The following FMNL2 variants were observed in gnomAD, a reference collection of about 807,000 sequenced individuals.
FMNL2 encodes formin-like protein 2.
In FMNL2, 51 loss-of-function variants were observed where a neutral mutation model predicts 130.2. The ratio of observed to expected loss-of-function variants is 0.39; its 90% CI spans 0.31 to 0.49. The LOEUF (loss-of-function observed/expected upper bound fraction) is 0.49, where lower values mean the gene tolerates loss of function less well. FMNL2 is among the 20% of genes least tolerant of loss of function. The probability of loss-of-function intolerance (pLI) is 0.85; values close to 1 mark genes in which losing one functional copy is unlikely to be tolerated. For missense variants in FMNL2, 977 were observed against 1,316.2 expected (o/e 0.74, Z 3.99); for synonymous variants, 465 against 467.1 (o/e 1.00, Z 0.06).
At chr2:152,554,583 T>C (rs1695107722) in intron 4 of FMNL2, among the ~76,000 whole-genome samples, 1 of 152,228 alleles carries the variant, frequency 6.6e-6, no homozygotes, top group Admixed American at 6.5e-5. Flanking sequence ...ATCACATTTG[T>C]TAATAACCAC....
chr2:152,567,024 TC>T (rs1332231618), intron 6 of FMNL2, among the ~76,000 whole-genome samples: 3 of 152,296 alleles, frequency 2.0e-5, no homozygotes, highest in Non-Finnish European at 4.4e-5. Flanking sequence ...TGAAGGTTAG[TC>T]TGTGAAATTG....
At chr2:152,567,546 G>A (rs1695924034) in intron 6 of FMNL2, among the ~76,000 whole-genome samples, 1 of 152,062 alleles carries the variant, frequency 6.6e-6, no homozygotes, top group Non-Finnish European at 1.5e-5. Context: ...AAACTGCCTG[G>A]CCCCTTTTTT....
chr2:152,411,460 T>G (rs1172804111), intron 1 of FMNL2, among the ~76,000 whole-genome samples: 1 of 152,170 alleles, frequency 6.6e-6, no homozygotes, highest in Non-Finnish European at 1.5e-5. Context: ...ATCCATGCAT[T>G]TCATTGGCAG....
chr2:152,492,560 T>C (rs1267831306), intron 1 of FMNL2, among the ~76,000 whole-genome samples: 1 of 152,168 alleles, frequency 6.6e-6, no homozygotes, highest in African/African-American at 2.4e-5. Flanking sequence ...TATCTAAGGC[T>C]TTGTAAGGGG....
intron 1 of FMNL2, among the ~76,000 whole-genome samples, chr2:152,365,827 G>A (rs895360627): frequency 6.6e-6 from 1 of 152,116 alleles, no homozygotes; most frequent in Non-Finnish European, 1.5e-5. Flanking sequence ...TATGAGAATA[G>A]ATAAGATAGG....
At chr2:152,455,788 C>G (rs1688916619) in intron 1 of FMNL2, among the ~76,000 whole-genome samples, 1 of 152,172 alleles carries the variant, frequency 6.6e-6, no homozygotes, top group African/African-American at 2.4e-5. Context: ...GATCATAGCT[C>G]ACTGCAACCT....
At chr2:152,479,172 C>CT (rs1427354592) in intron 1 of FMNL2, among the ~76,000 whole-genome samples, 15 of 152,038 alleles carry the variant, frequency 9.9e-5, no homozygotes, top group African/African-American at 3.4e-4. Context: ...TGCCCAGGCT[C>CT]GAGTTCACTG....
chr2:152,492,406 C>G (rs1360553249), intron 1 of FMNL2, among the ~76,000 whole-genome samples: 1 of 152,154 alleles, frequency 6.6e-6, no homozygotes, highest in Non-Finnish European at 1.5e-5. Flanking sequence ...TGCTTTTCGG[C>G]AAGGAAATTA....
intron 1 of FMNL2, among the ~76,000 whole-genome samples, chr2:152,504,684 T>TA (rs1435417809): frequency 6.6e-6 from 1 of 152,200 alleles, no homozygotes; most frequent in Admixed American, 6.5e-5. Context: ...TTCTATCTCT[T>TA]ATGCACTGAG....
rs1271845321 is a variant in FMNL2 at position 152,614,832 on chromosome 2, C to T, written c.1063-19C>T. ...CATAGATGAGCTAACACCACGTTCT[C>T]TCCTATTCTGGTTTTTAGAAGCTGA... On this transcript the variant is annotated intron_variant, in intron 11 of 25. Coordinates refer to ENST00000288670, the MANE Select transcript of FMNL2 (RefSeq NM_052905.4). 6.3e-7 allele frequency: 1 copy of T among 1,598,218 alleles called. No individual in the cohort carries two copies. Among genetic ancestry groups the T allele is most frequent in the Admixed American group, 1.8e-5 (1 of 54,342 alleles).
intron 25 of FMNL2, among the ~76,000 whole-genome samples, chr2:152,641,443 T>G (rs1299833717): frequency 6.6e-6 from 1 of 152,264 alleles, no homozygotes; most frequent in Non-Finnish European, 1.5e-5. Flanking sequence ...AGCATAATGC[T>G]ATCTCCTCGA....
chr2:152,520,182 T>G (rs1693003835), intron 1 of FMNL2, among the ~76,000 whole-genome samples: 1 of 152,182 alleles, frequency 6.6e-6, no homozygotes, highest in Non-Finnish European at 1.5e-5. Flanking sequence ...TATGAAAACA[T>G]TTTCCCATAT....
chr2:152,588,012 TATAGG>T (rs1469412104), intron 9 of FMNL2, among the ~76,000 whole-genome samples: 1 of 152,164 alleles, frequency 6.6e-6, no homozygotes, highest in East Asian at 1.9e-4. Context: ...GGAGGCTCCT[TATAGG>T]AGAGGGTGCC....
chr2:152,637,426 G>A, intron 22 of FMNL2, 147 bp from the exon 23 acceptor site: 1 of 642,844 alleles, frequency 1.6e-6, no homozygotes, highest in Admixed American at 2.7e-5. Context: ...GAGGCGTTAG[G>A]CAATCTTGGG....
At chr2:152,624,187 C>T (rs547872931) in intron 15 of FMNL2, among the ~76,000 whole-genome samples, 2 of 149,212 alleles carry the variant, frequency 1.3e-5, no homozygotes, top group South Asian at 2.2e-4. Flanking sequence ...GATGGAGTTT[C>T]GCTCTTGTTA....
Position 152,338,818 on chromosome 2 carries a change from G to GACACACACACAC in FMNL2, c.117+3099_117+3100insCACACACACACA, listed in dbSNP as rs767062578. Among the ~76,000 whole-genome samples, 350 of 60,382 alleles carry GACACACACACAC rather than the reference G, an allele frequency of 5.8e-3. 1 individual carries two copies. The highest frequency in any genetic ancestry group is 0.013 in the African/African-American group (309 of 23,558). The allele number at this position is 60,382 out of a possible 152,430, so 39.6% of individuals were successfully genotyped here. A position where few individuals can be genotyped will look rare whatever the true frequency, so the allele number is the denominator to read the frequency against. Reference sequence around the variant, plus strand: ...CCTTTCAGGTACAGCTGGAAGGTGAGATACACACACACACACACACACACA... The same window carrying GACACACACACAC: ...CCTTTCAGGTACAGCTGGAAGGTGAGACACACACACACATACACACACACACACACACACACA... On this transcript the variant is annotated intron_variant, in intron 1 of 25. Coordinates refer to ENST00000288670, the MANE Select transcript of FMNL2 (RefSeq NM_052905.4).
chr2:152,559,754 TCTTAC>T (rs1695421656), intron 5 of FMNL2, among the ~76,000 whole-genome samples: 1 of 152,148 alleles, frequency 6.6e-6, no homozygotes, highest in African/African-American at 2.4e-5. Context: ...GCCCTCCTCG[TCTTAC>T]CTTCTCTCAT....
intron 1 of FMNL2, among the ~76,000 whole-genome samples, chr2:152,376,235 A>G (rs1684164538): frequency 6.6e-6 from 1 of 152,058 alleles, no homozygotes; most frequent in Non-Finnish European, 1.5e-5. Flanking sequence ...AATATACAGC[A>G]TTTTATTTTT....
chr2:152,551,431 A>G (rs1694929444), intron 4 of FMNL2, among the ~76,000 whole-genome samples: 1 of 152,234 alleles, frequency 6.6e-6, no homozygotes, highest in African/African-American at 2.4e-5. Flanking sequence ...CAGCAGAAAA[A>G]TTCATGGAGA....
Sources: allele counts gnomAD v4.1 joint callset (sites outside exome capture counted in the v4.1 genomes callset), GRCh38; gene constraint gnomAD v4.1.1; transcripts MANE v1.5; gene names NCBI Gene and HGNC (gene_info 2026-07-23, HGNC 2026-07-21).